The following ULK4 variants were observed in gnomAD, a reference collection of about 807,000 sequenced individuals.
ULK4 encodes the protein inactive serine/threonine-protein kinase ULK4.
In ULK4, 133 loss-of-function variants were observed where a neutral mutation model predicts 160.6. The observed-to-expected ratio is 0.83, with a 90% confidence interval of 0.72 to 0.96. The LOEUF (loss-of-function observed/expected upper bound fraction) is 0.96. Among genes scored for constraint, ULK4 ranks in the 40% least tolerant of loss-of-function variants. ULK4 has a pLI of 0.00. For synonymous variants in ULK4, 534 were observed against 539.8 expected, an observed-to-expected ratio of 0.99 and a Z score of 0.15; for missense variants, 1,580 against 1,499.5, an observed-to-expected ratio of 1.05 and a Z score of -0.89.
intron 17 of ULK4, among the ~76,000 whole-genome samples, chr3:41,850,238 T>C (rs996649789): frequency 6.6e-6 from 1 of 152,180 alleles, no homozygotes. Context: ...TGGTTCCAAG[T>C]CTTTGCTATT....
rs551469594 is a variant in ULK4 at position 41,626,846 on chromosome 3, G to C, written c.3072-11129C>G. 5.3e-5 allele frequency among the ~76,000 whole-genome samples: 8 copies of C among 152,184 alleles called. No individual in the cohort carries two copies. The South Asian group carries it at 1.7e-3, about 32-fold the overall frequency. On this transcript the variant is annotated intron_variant, in intron 30 of 36. Coordinates refer to ENST00000301831, the MANE Select transcript of ULK4 (RefSeq NM_017886.4). ...TGGCCAAAAGTACACTTGCTTTTGA[G>C]GTAAAGTCATAGCAGTGGCCTATGG...
chr3:41,740,478 T>C (rs2038205373), intron 22 of ULK4, among the ~76,000 whole-genome samples: 1 of 151,872 alleles, frequency 6.6e-6, no homozygotes, highest in Non-Finnish European at 1.5e-5. Context: ...CCTGTCATAG[T>C]AATATGAGTA....
At position 41,455,605 on chromosome 3, in the gene ULK4, A is replaced by G. The variant is rs777334441; in HGVS notation, c.3394-10T>C. 1.9e-6 allele frequency: 3 copies of G among 1,613,296 alleles called. No homozygotes were observed. The highest frequency in any genetic ancestry group is 2.2e-5 in the South Asian group (2 of 91,046). ...AGCCAGACTTCTGGGCCTGGAACAGAGAGAAGAGAAATGAAAGACGGTCTT... is the reference window on the plus strand; with the variant it reads ...AGCCAGACTTCTGGGCCTGGAACAGGGAGAAGAGAAATGAAAGACGGTCTT... On this transcript the variant is annotated splice_polypyrimidine_tract_variant and intron_variant, in intron 33 of 36. Coordinates refer to ENST00000301831, the MANE Select transcript of ULK4 (RefSeq NM_017886.4).
At chr3:41,694,350 A>G (rs1481876683) in intron 27 of ULK4, among the ~76,000 whole-genome samples, 2 of 152,218 alleles carry the variant, frequency 1.3e-5, no homozygotes, top group African/African-American at 4.8e-5. Flanking sequence ...ATAATTGAGT[A>G]GGAGCATCGT....
intron 32 of ULK4, among the ~76,000 whole-genome samples, chr3:41,519,657 C>A (rs979332152): frequency 6.6e-6 from 1 of 152,150 alleles, no homozygotes; most frequent in Non-Finnish European, 1.5e-5. Context: ...ACATAAGACA[C>A]AGTGCGCACA....
chr3:41,634,673 C>A (rs974595), intron 30 of ULK4, among the ~76,000 whole-genome samples: 17,550 of 152,182 alleles, frequency 0.12, 1,144 homozygotes, highest in South Asian at 0.17. Context: ...TCTCTGACCA[C>A]TGGCTTGAGC....
intron 27 of ULK4, among the ~76,000 whole-genome samples, chr3:41,700,431 C>G (rs1157717068): frequency 1.3e-5 from 2 of 152,158 alleles, no homozygotes; most frequent in East Asian, 3.9e-4. Flanking sequence ...GATTCATTCA[C>G]CAACCCCTCC....
chr3:41,643,439 T>G (rs1178497050), intron 30 of ULK4, among the ~76,000 whole-genome samples: 1 of 152,240 alleles, frequency 6.6e-6, no homozygotes, highest in Non-Finnish European at 1.5e-5. Flanking sequence ...CACCATTTAT[T>G]AAATAGGAAA....
At chr3:41,516,831 GGTTT>G (rs1321613103) in intron 32 of ULK4, among the ~76,000 whole-genome samples, 2 of 152,042 alleles carry the variant, frequency 1.3e-5, no homozygotes, top group East Asian at 1.9e-4. Context: ...GTGTGTAATT[GGTTT>G]GTTTGTAACT....
At chr3:41,556,449 A>G (rs1285869712) in intron 32 of ULK4, among the ~76,000 whole-genome samples, 2 of 150,196 alleles carry the variant, frequency 1.3e-5, no homozygotes, top group Non-Finnish European at 3.0e-5. Flanking sequence ...CAAAAAGAGA[A>G]CACCAGCCAG....
intron 32 of ULK4, among the ~76,000 whole-genome samples, chr3:41,495,570 T>C (rs1249056073): frequency 6.6e-6 from 1 of 150,576 alleles, no homozygotes; most frequent in Non-Finnish European, 1.5e-5. Context: ...AGGACAAAAT[T>C]GACAAATGGG....
At chr3:41,318,088 C>T (rs912768933) in intron 35 of ULK4, among the ~76,000 whole-genome samples, 6 of 151,958 alleles carry the variant, frequency 3.9e-5, no homozygotes, top group Non-Finnish European at 5.9e-5. Context: ...AAGTTGCTCT[C>T]AACTCTTTAT....
intron 2 of ULK4, among the ~76,000 whole-genome samples, chr3:41,947,785 T>C (rs1700156380): frequency 6.6e-6 from 1 of 152,204 alleles, no homozygotes; most frequent in African/African-American, 2.4e-5. Flanking sequence ...TGTTTATACA[T>C]GCCTTGATTC....
chr3:41,901,478 C>CTTTTTTTTTTTTT (rs1305478036), intron 12 of ULK4, among the ~76,000 whole-genome samples: 1 of 22,946 alleles, frequency 4.4e-5, no homozygotes, highest in Non-Finnish European at 3.1e-4. Flanking sequence ...CCACGCCCAG[C>CTTTTTTTTTTTTT]CTTTTTTTTT....
intron 34 of ULK4, among the ~76,000 whole-genome samples, chr3:41,425,222 A>G (rs1353856593): frequency 6.6e-6 from 1 of 152,184 alleles, no homozygotes; most frequent in East Asian, 1.9e-4. Flanking sequence ...TATTGCTGAA[A>G]TAAGACAGGC....
rs2030127197 is a variant in ULK4 at position 41,579,833 on chromosome 3, C to A, written c.3121-13703G>T. ...TGCTAAGAGTGAGTCAAAAGACCTG[C>A]TGACCCGCATGTTGGAGAGACGTGC... On this transcript the variant is annotated intron_variant, in intron 31 of 36. Coordinates refer to ENST00000301831, the MANE Select transcript of ULK4 (RefSeq NM_017886.4). Among the ~76,000 whole-genome samples, 3 of 152,162 alleles carry A rather than the reference C, an allele frequency of 2.0e-5. No homozygotes were observed. In the South Asian group the frequency reaches 6.2e-4, roughly 31 times the overall value.
chr3:41,280,097 A>C (rs2079321233), intron 35 of ULK4, among the ~76,000 whole-genome samples: 1 of 152,228 alleles, frequency 6.6e-6, no homozygotes, highest in African/African-American at 2.4e-5. Flanking sequence ...CCAATTCAAC[A>C]AGAAGAGCTA....
chr3:41,668,065 A>G (rs1412235999), intron 29 of ULK4, among the ~76,000 whole-genome samples: 1 of 152,228 alleles, frequency 6.6e-6, no homozygotes, highest in Non-Finnish European at 1.5e-5. Flanking sequence ...ACAATTGGTC[A>G]AGTGAAGGAA....
At chr3:41,619,097 G>A (rs1575489684) in intron 30 of ULK4, among the ~76,000 whole-genome samples, 1 of 152,010 alleles carries the variant, frequency 6.6e-6, no homozygotes, top group Non-Finnish European at 1.5e-5. Flanking sequence ...AAATATATAT[G>A]CACCCAATAC....
Sources: gnomAD v4.1 joint callset for allele counts (sites outside exome capture counted in the v4.1 genomes callset) on GRCh38, gnomAD v4.1.1 for gene constraint, MANE v1.5 for transcripts, NCBI Gene and HGNC (gene_info 2026-07-23, HGNC 2026-07-21) for gene names.